Variants in SLCO3A1 observed in about 807,000 individuals in gnomAD.
The protein encoded by SLCO3A1 is solute carrier organic anion transporter family member 3A1, also known as PGE1 transporter.
Under a neutral mutation model 63.1 loss-of-function variants are expected in SLCO3A1, and 27 were observed. The observed-to-expected ratio is 0.43, with a 90% CI of 0.32 to 0.59. The LOEUF (loss-of-function observed/expected upper bound fraction) is 0.59. Ranked by LOEUF, SLCO3A1 falls within the 20% of genes least tolerant of loss-of-function variation. The pLI is 0.09. For missense variants in SLCO3A1, 773 were observed against 945.8 expected, an observed-to-expected ratio of 0.82 and a Z score of 2.40; for synonymous variants, 473 against 409.9, an observed-to-expected ratio of 1.15 and a Z score of -1.86.
At chr15:91,979,468 G>A (rs1336717798) in intron 2 of SLCO3A1, among the ~76,000 whole-genome samples, 2 of 152,148 alleles carry the variant, frequency 1.3e-5, no homozygotes, top group Non-Finnish European at 2.9e-5. Flanking sequence ...TCAGACTGGG[G>A]ATGCTCAACC....
At chr15:91,925,208 T>A (rs1898971413) in intron 2 of SLCO3A1, among the ~76,000 whole-genome samples, 1 of 152,250 alleles carries the variant, frequency 6.6e-6, no homozygotes, top group South Asian at 2.1e-4. Flanking sequence ...TAAGACTGTT[T>A]ACTTTTCTGA....
chr15:91,961,775 T>C (rs192563053), intron 2 of SLCO3A1, among the ~76,000 whole-genome samples: 361 of 152,342 alleles, frequency 2.4e-3, no homozygotes, highest in Non-Finnish European at 3.8e-3. Context: ...ATAAAATACA[T>C]TTATTTACTT....
rs890292134 is a variant in SLCO3A1 at position 91,942,047 on chromosome 15, A to G, written c.646+25589A>G. On this transcript the variant is annotated intron_variant, in intron 2 of 9. Coordinates refer to ENST00000318445, the MANE Select transcript of SLCO3A1 (RefSeq NM_013272.4). The surrounding 1 kb of genome is among the most constrained non-coding windows in gnomAD (Gnocchi z 4.1). Reference sequence around the variant, plus strand: ...GTTTGTCATAAGCTTAATTTATTCAATTTAGAGTCTTGTTCTTTATTCTAG... The same window carrying G: ...GTTTGTCATAAGCTTAATTTATTCAGTTTAGAGTCTTGTTCTTTATTCTAG... 3.3e-5 allele frequency among the ~76,000 whole-genome samples: 5 copies of G among 152,188 alleles called. No homozygotes were observed. Among genetic ancestry groups the G allele is most frequent in the Admixed American group, 1.3e-4 (2 of 15,280 alleles).
chr15:92,070,988 A>T (rs565195454), intron 2 of SLCO3A1, among the ~76,000 whole-genome samples: 5 of 152,324 alleles, frequency 3.3e-5, no homozygotes, highest in African/African-American at 1.2e-4. Context: ...GAGATCAGCA[A>T]TATATATGAG....
chr15:92,047,578 ATAT>A (rs1384400156), intron 2 of SLCO3A1, among the ~76,000 whole-genome samples: 2,037 of 18,568 alleles, frequency 0.11, 524 homozygotes, highest in African/African-American at 0.38. Flanking sequence ...ATAAATATAT[ATAT>A]AATATATATA....
intron 2 of SLCO3A1, among the ~76,000 whole-genome samples, chr15:91,977,441 T>G (rs1901160655): frequency 6.6e-6 from 1 of 152,032 alleles, no homozygotes; most frequent in Admixed American, 6.6e-5. Context: ...GTTCAGTCAG[T>G]TTGGGGTTAT....
intron 1 of SLCO3A1, 21 bp from the exon 2 acceptor site, chr15:91,915,972 C>G: frequency 6.3e-7 from 1 of 1,597,094 alleles, no homozygotes; most frequent in Admixed American, 1.7e-5. Context: ...TGGCTCTGAC[C>G]TTTCTTCTTG....
chr15:91,874,781 T>C (rs1332128454), intron 1 of SLCO3A1, among the ~76,000 whole-genome samples: 2 of 152,244 alleles, frequency 1.3e-5, no homozygotes, highest in Non-Finnish European at 2.9e-5. Flanking sequence ...GGGTCAGTTG[T>C]CATTCCACAG....
At chr15:91,923,616 A>G (rs1188740545) in intron 2 of SLCO3A1, among the ~76,000 whole-genome samples, 1 of 152,224 alleles carries the variant, frequency 6.6e-6, no homozygotes, top group Non-Finnish European at 1.5e-5. Context: ...TATTAGCTCA[A>G]TTTTCTTTTA....
intron 2 of SLCO3A1, among the ~76,000 whole-genome samples, chr15:91,926,165 G>C (rs911223762): frequency 6.6e-6 from 1 of 152,204 alleles, no homozygotes; most frequent in Non-Finnish European, 1.5e-5. Context: ...GCTTGAAAGC[G>C]TTGGCTTAGC....
At chr15:92,159,669 T>A in intron 9 of SLCO3A1, among the ~76,000 whole-genome samples, 1 of 150,680 alleles carries the variant, frequency 6.6e-6, no homozygotes, top group Non-Finnish European at 1.5e-5. Context: ...TGGGGTCAAG[T>A]GATCCTCCCA....
intron 2 of SLCO3A1, among the ~76,000 whole-genome samples, chr15:92,062,586 A>G (rs912024005): frequency 5.3e-5 from 8 of 152,216 alleles, no homozygotes; most frequent in Admixed American, 6.5e-5. Context: ...GCTTGGCAAC[A>G]GGAGACTGGT....
rs572124133 is a variant in SLCO3A1 at position 91,954,028 on chromosome 15, G to T, written c.646+37570G>T. Among the ~76,000 whole-genome samples, 21 of 152,284 alleles carry T rather than the reference G, an allele frequency of 1.4e-4. No individual in the cohort carries two copies. The South Asian group carries it at 4.3e-3, about 32-fold the overall frequency. ...ATGTCTATGGATATTTACTGTATTA[G>T]AAATTAAAACTGAGGATACACAGGT... On this transcript the variant is annotated intron_variant, in intron 2 of 9. Coordinates refer to ENST00000318445, the MANE Select transcript of SLCO3A1 (RefSeq NM_013272.4). The surrounding 1 kb of genome is among the most constrained non-coding windows in gnomAD (Gnocchi z 4.7).
intron 2 of SLCO3A1, among the ~76,000 whole-genome samples, chr15:92,075,564 T>A (rs2047266719): frequency 6.6e-6 from 1 of 152,248 alleles, no homozygotes; most frequent in South Asian, 2.1e-4. Context: ...TCTTGCTCCA[T>A]ACCTTCCTCA....
intron 10 of SLCO3A1, chr15:92,171,514 G>A (rs1349013723): frequency 4.2e-5 from 17 of 400,696 alleles, no homozygotes; most frequent in African/African-American, 8.1e-5. Flanking sequence ...ACTCATCCCC[G>A]ACATCTGCTT....
At chr15:92,029,288 G>A (rs1333567047) in intron 2 of SLCO3A1, among the ~76,000 whole-genome samples, 1 of 152,126 alleles carries the variant, frequency 6.6e-6, no homozygotes, top group Non-Finnish European at 1.5e-5. Flanking sequence ...TGTCCCTGGC[G>A]ATGGGAACAG....
At chr15:92,123,210 A>T (rs1332058608) in intron 5 of SLCO3A1, among the ~76,000 whole-genome samples, 1 of 152,132 alleles carries the variant, frequency 6.6e-6, no homozygotes, top group Non-Finnish European at 1.5e-5. Flanking sequence ...GGATCACCTG[A>T]GGTCAAGAGT....
intron 9 of SLCO3A1, among the ~76,000 whole-genome samples, chr15:92,160,870 G>A (rs1481425168): frequency 1.3e-5 from 2 of 152,160 alleles, no homozygotes; most frequent in South Asian, 4.1e-4. Flanking sequence ...GAATGGAGGT[G>A]CTGCTGTGCT....
chr15:91,928,212 T>C (rs2151388418), intron 2 of SLCO3A1, among the ~76,000 whole-genome samples: 1 of 152,370 alleles, frequency 6.6e-6, no homozygotes, highest in East Asian at 1.9e-4. Context: ...CAGGTGAGTT[T>C]GAATAGTGAC....
Sources: gnomAD v4.1 joint callset for allele counts (sites outside exome capture counted in the v4.1 genomes callset) on GRCh38, gnomAD v4.1.1 for gene constraint, Gnocchi (gnomAD v3.1) non-coding constraint, MANE v1.5 for transcripts, NCBI Gene and HGNC (gene_info 2026-07-23, HGNC 2026-07-21) for gene names.